Variants in UNC5D observed in about 807,000 individuals in gnomAD.
UNC5D encodes the protein unc-5 netrin receptor D, also known as netrin receptor UNC5D.
Under a neutral mutation model 105.4 loss-of-function variants are expected in UNC5D, and 39 were observed. That is an observed-to-expected ratio of 0.37 (90% CI 0.29 to 0.48). The LOEUF is 0.48. Among genes scored for constraint, UNC5D ranks in the 20% least tolerant of loss-of-function variants. The pLI, the probability that UNC5D is intolerant of heterozygous loss-of-function variation, is 0.98. For missense variants in UNC5D, 991 were observed against 1,202.4 expected (o/e 0.82, Z 2.60); for synonymous variants, 452 against 450.4 (o/e 1.00, Z -0.04).
chr8:35,616,800 G>C (rs533136109), intron 4 of UNC5D, among the ~76,000 whole-genome samples: 1 of 152,170 alleles, frequency 6.6e-6, no homozygotes, highest in African/African-American at 2.4e-5. Flanking sequence ...GAGAGAAGGC[G>C]ATTTGGAGGA....
intron 1 of UNC5D, among the ~76,000 whole-genome samples, chr8:35,294,697 CTTT>C (rs36071675): frequency 1.1e-4 from 15 of 141,286 alleles, no homozygotes; most frequent in Admixed American, 2.8e-4. Context: ...TTCTTTTCTT[CTTT>C]TTTTTTTTTT....
chr8:35,748,487 C>G (rs1255352989), intron 11 of UNC5D, 40 bp from the exon 12 acceptor site: 2 of 1,593,994 alleles, frequency 1.3e-6, no homozygotes, highest in Non-Finnish European at 1.7e-6. Context: ...GGCCCCTCCT[C>G]TACATACTTC....
intron 1 of UNC5D, among the ~76,000 whole-genome samples, chr8:35,358,488 TGGTGAGGGTCAGG>T (rs749381522): frequency 1.3e-5 from 2 of 152,126 alleles, no homozygotes; most frequent in Non-Finnish European, 2.9e-5. Context: ...GCCTGTTTAG[TGGTGAGGGTCAGG>T]GGAAGCAGAA....
intron 4 of UNC5D, among the ~76,000 whole-genome samples, chr8:35,662,966 C>T (rs1434031655): frequency 2.6e-5 from 4 of 152,174 alleles, no homozygotes; most frequent in Non-Finnish European, 4.4e-5. Flanking sequence ...CTAGGTAGCA[C>T]GCTCCTTATC....
At chr8:35,440,134 A>G (rs1807303284) in intron 1 of UNC5D, among the ~76,000 whole-genome samples, 1 of 152,026 alleles carries the variant, frequency 6.6e-6, no homozygotes, top group South Asian at 2.1e-4. Flanking sequence ...AGGCAGTAGC[A>G]ATAGGCCTCT....
At chr8:35,662,472 A>G (rs1375192878) in intron 4 of UNC5D, among the ~76,000 whole-genome samples, 2 of 152,216 alleles carry the variant, frequency 1.3e-5, no homozygotes, top group African/African-American at 4.8e-5. Context: ...CAAAGAAAAA[A>G]AATGAGCTTT....
chr8:35,644,172 T>C (rs1227333670), intron 4 of UNC5D, among the ~76,000 whole-genome samples: 1 of 152,124 alleles, frequency 6.6e-6, no homozygotes, highest in Non-Finnish European at 1.5e-5. Flanking sequence ...CTCTACTGGG[T>C]TAAAATTAAG....
At chr8:35,403,277 T>C (rs1332408362) in intron 1 of UNC5D, among the ~76,000 whole-genome samples, 3 of 152,218 alleles carry the variant, frequency 2.0e-5, no homozygotes, top group Non-Finnish European at 4.4e-5. Flanking sequence ...AAAACTGCTG[T>C]GTGTTAACAC....
At chr8:35,531,115 C>T (rs1814333309) in intron 1 of UNC5D, among the ~76,000 whole-genome samples, 1 of 125,348 alleles carries the variant, frequency 8.0e-6, no homozygotes, top group Non-Finnish European at 1.6e-5. Flanking sequence ...TCTTGCTTTT[C>T]TAGTTCTTTT....
At chr8:35,427,783 A>G (rs1806350087) in intron 1 of UNC5D, among the ~76,000 whole-genome samples, 1 of 152,140 alleles carries the variant, frequency 6.6e-6, no homozygotes, top group African/African-American at 2.4e-5. Context: ...AAAATCCTCA[A>G]TGTGAAATCA....
chr8:35,323,353 T>A (rs1038237239), intron 1 of UNC5D, among the ~76,000 whole-genome samples: 1 of 152,002 alleles, frequency 6.6e-6, no homozygotes, highest in African/African-American at 2.4e-5. Flanking sequence ...TTTTAGATGT[T>A]TTTGTGGAGT....
intron 1 of UNC5D, among the ~76,000 whole-genome samples, chr8:35,383,136 G>T (rs547531113): frequency 2.4e-3 from 366 of 152,182 alleles, no homozygotes; most frequent in Admixed American, 5.8e-3. Flanking sequence ...ATTTACTATC[G>T]CCCTGATTTT....
chr8:35,653,345 T>C (rs1823541947), intron 4 of UNC5D, among the ~76,000 whole-genome samples: 1 of 152,170 alleles, frequency 6.6e-6, no homozygotes, highest in African/African-American at 2.4e-5. Context: ...CAACATTTTA[T>C]ATATCCTGTG....
intron 1 of UNC5D, among the ~76,000 whole-genome samples, chr8:35,352,387 C>T (rs531953535): frequency 1.3e-5 from 2 of 152,044 alleles, no homozygotes; most frequent in Admixed American, 6.6e-5. Context: ...ACAAGATTTT[C>T]ATAACAATTA....
chr8:35,362,943 A>C (rs1801931168), intron 1 of UNC5D, among the ~76,000 whole-genome samples: 1 of 152,066 alleles, frequency 6.6e-6, no homozygotes, highest in Admixed American at 6.6e-5. Context: ...TAAATCCACA[A>C]ATCGTATTTC....
intron 4 of UNC5D, among the ~76,000 whole-genome samples, chr8:35,619,746 TA>T (rs1453299152): frequency 2.0e-5 from 3 of 152,228 alleles, no homozygotes; most frequent in Non-Finnish European, 4.4e-5. Flanking sequence ...TAAGAATCAG[TA>T]ACTCTTAGAA....
chr8:35,695,996 A>G (rs1181939029), intron 7 of UNC5D, among the ~76,000 whole-genome samples: 1 of 152,086 alleles, frequency 6.6e-6, no homozygotes, highest in Non-Finnish European at 1.5e-5. Context: ...TGACCTCCCA[A>G]AGTGCTGGGA....
intron 4 of UNC5D, among the ~76,000 whole-genome samples, chr8:35,679,685 G>A (rs1247863844): frequency 6.6e-6 from 1 of 152,166 alleles, no homozygotes; most frequent in Non-Finnish European, 1.5e-5. Flanking sequence ...AAAATCAACT[G>A]TAGAGGTCAG....
At chr8:35,617,286 A>T (rs544963705) in intron 4 of UNC5D, among the ~76,000 whole-genome samples, 5 of 152,272 alleles carry the variant, frequency 3.3e-5, no homozygotes, top group African/African-American at 1.2e-4. Flanking sequence ...AATTTTGGTG[A>T]CTAGAAGGTG....
Sources: gnomAD v4.1 joint callset for allele counts (sites outside exome capture counted in the v4.1 genomes callset) on GRCh38, gnomAD v4.1.1 for gene constraint, MANE v1.5 for transcripts, NCBI Gene and HGNC (gene_info 2026-07-23, HGNC 2026-07-21) for gene names.